Variants in DMD observed in about 807,000 individuals in gnomAD.
The protein encoded by DMD is mutant dystrophin.
A neutral mutation model predicts 330.1 loss-of-function variants in DMD; 63 were observed. That is an observed-to-expected ratio of 0.19 (90% CI 0.16 to 0.24). The LOEUF is 0.24. Ranked by LOEUF, DMD falls within the 10% of genes least tolerant of loss-of-function variation. DMD has a pLI of 1.00. For missense variants in DMD, 3,344 were observed against 2,684.1 expected (o/e 1.25, Z -5.43); for synonymous variants, 1,223 against 959.8 (o/e 1.27, Z -5.07).
At chrX:32,104,680 G>A (rs917971707) in intron 44 of DMD, among the ~76,000 whole-genome samples, 2 of 111,612 alleles carry the variant, frequency 1.8e-5, no homozygotes, top group African/African-American at 3.3e-5. Context: ...ACTTTGAAAC[G>A]TGTGAATGTT....
chrX:32,782,858 C>CAT (rs1299192847), intron 7 of DMD, among the ~76,000 whole-genome samples: 29 of 106,475 alleles, frequency 2.7e-4, no homozygotes, highest in Admixed American at 1.1e-3. Flanking sequence ...TCTCACGTAC[C>CAT]ATATATATAT....
intron 62 of DMD, among the ~76,000 whole-genome samples, chrX:31,317,610 T>C (rs1287686336): frequency 1.9e-5 from 2 of 107,633 alleles, no homozygotes; most frequent in Non-Finnish European, 3.9e-5. Flanking sequence ...TTCCCGGGTT[T>C]ACGCCATTCT....
intron 55 of DMD, chrX:31,508,273 G>A (rs1262538045): frequency 8.4e-7 from 1 of 1,197,059 alleles, no homozygotes; most frequent in Non-Finnish European, 1.1e-6. Context: ...CACTGATCCT[G>A]TTGCATAGCA....
chrX:33,024,349 T>A (rs2093961757), intron 1 of DMD, among the ~76,000 whole-genome samples: 1 of 112,310 alleles, frequency 8.9e-6, no homozygotes, highest in Admixed American at 9.4e-5. Context: ...AAAACATGCA[T>A]GTGCATATTA....
chrX:32,744,879 C>T (rs1001126745), intron 7 of DMD, among the ~76,000 whole-genome samples: 3 of 112,022 alleles, frequency 2.7e-5, no homozygotes, highest in African/African-American at 9.7e-5. Flanking sequence ...ATCATTGGCT[C>T]ATTATCTTCA....
chrX:31,892,799 C>A (rs1375624009), intron 47 of DMD, among the ~76,000 whole-genome samples: 1 of 111,715 alleles, frequency 9.0e-6, no homozygotes, highest in East Asian at 2.8e-4. Context: ...ATTAGATCAC[C>A]AGTGTATATA....
intron 20 of DMD, 42 bp downstream of exon 20, chrX:32,491,235 C>T (rs1396031352): frequency 8.3e-7 from 1 of 1,201,181 alleles, no homozygotes; most frequent in Non-Finnish European, 1.1e-6. Flanking sequence ...CCAAGAAATA[C>T]CTATTGATTA....
chrX:32,867,681 A>G (rs1210580204), intron 2 of DMD, among the ~76,000 whole-genome samples: 1 of 112,056 alleles, frequency 8.9e-6, no homozygotes, highest in African/African-American at 3.2e-5. Flanking sequence ...AAAAATATTG[A>G]ACCAAAAGGA....
intron 1 of DMD, among the ~76,000 whole-genome samples, chrX:33,181,371 A>G (rs1206706870): frequency 9.0e-6 from 1 of 111,664 alleles, no homozygotes; most frequent in Non-Finnish European, 1.9e-5. Flanking sequence ...TGGTCTCTAT[A>G]TCAGTCGATG....
intron 63 of DMD, among the ~76,000 whole-genome samples, chrX:31,223,588 T>C (rs901499468): frequency 3.6e-5 from 4 of 112,333 alleles, no homozygotes; most frequent in African/African-American, 1.3e-4. Flanking sequence ...TTGGGTAACT[T>C]AGACATTTAA....
intron 1 of DMD, among the ~76,000 whole-genome samples, chrX:33,327,882 C>T (rs752313912): frequency 2.7e-5 from 3 of 111,631 alleles, no homozygotes; most frequent in Non-Finnish European, 5.6e-5. Context: ...AACATTTTGG[C>T]GGGGGTTGTT....
intron 2 of DMD, among the ~76,000 whole-genome samples, chrX:32,931,201 A>C (rs865922474): frequency 9.1e-6 from 1 of 110,332 alleles, no homozygotes; most frequent in Middle Eastern, 4.7e-3. Context: ...TTGGCAGTCA[A>C]CTTTACTAAT....
upstream of DMD, among the ~76,000 whole-genome samples, chrX:33,214,201 G>A (rs1201443282): frequency 9.1e-6 from 1 of 110,301 alleles, no homozygotes; most frequent in African/African-American, 3.3e-5. Flanking sequence ...TGTTTCCAGG[G>A]TTTGGTCACT....
intron 11 of DMD, among the ~76,000 whole-genome samples, chrX:32,620,420 T>C (rs1278568573): frequency 1.8e-5 from 2 of 112,331 alleles, no homozygotes; most frequent in Admixed American, 1.9e-4. Flanking sequence ...CATATTCCTT[T>C]TGAGAGTGTT....
At chrX:31,331,619 C>T (rs1444757638) in intron 61 of DMD, among the ~76,000 whole-genome samples, 1 of 111,701 alleles carries the variant, frequency 9.0e-6, no homozygotes, top group Non-Finnish European at 1.9e-5. Flanking sequence ...TAAATTCGAA[C>T]ATAATTGGCT....
intron 61 of DMD, among the ~76,000 whole-genome samples, chrX:31,336,926 C>CTTTT: frequency 1.1e-5 from 1 of 94,380 alleles, no homozygotes; most frequent in Non-Finnish European, 2.1e-5. Context: ...TTCTTTCTTT[C>CTTTT]TTTTTTTTTT....
At chrX:32,385,616 A>G (rs1314446333) in intron 33 of DMD, among the ~76,000 whole-genome samples, 9 of 23,081 alleles carry the variant, frequency 3.9e-4, no homozygotes, top group Admixed American at 2.7e-3. Flanking sequence ...ACTACTTACT[A>G]TCATAATCTA....
intron 1 of DMD, among the ~76,000 whole-genome samples, chrX:33,028,020 G>A (rs1427965128): frequency 8.9e-6 from 1 of 111,982 alleles, no homozygotes; most frequent in Non-Finnish European, 1.9e-5. Context: ...AGGGCAGTTC[G>A]AAATCAAAGC....
intron 13 of DMD, among the ~76,000 whole-genome samples, chrX:32,575,657 G>A (rs2052956792): frequency 1.8e-5 from 2 of 111,905 alleles, no homozygotes; most frequent in Non-Finnish European, 3.8e-5. Flanking sequence ...CAGGTAAAAT[G>A]GCACGTAACA....
Sources: allele counts gnomAD v4.1 joint callset (sites outside exome capture counted in the v4.1 genomes callset), GRCh38; gene constraint gnomAD v4.1.1; transcripts MANE v1.5; gene names NCBI Gene and HGNC (gene_info 2026-07-23, HGNC 2026-07-21).